Variants in CLVS1 observed in about 807,000 individuals in gnomAD.
CLVS1 encodes clavesin 1.
CLVS1 carries 10 observed loss-of-function variants against 33.1 expected under a neutral mutation model. The observed-to-expected ratio is 0.30, with a 90% CI of 0.19 to 0.51. The LOEUF (loss-of-function observed/expected upper bound fraction) is 0.51. Among genes scored for constraint, CLVS1 ranks in the 20% least tolerant of loss-of-function variants. The probability of loss-of-function intolerance (pLI) is 0.97; values close to 1 mark genes in which losing one functional copy is unlikely to be tolerated. For synonymous variants in CLVS1, 163 were observed against 166.1 expected, an observed-to-expected ratio of 0.98 and a Z score of 0.14; for missense variants, 343 against 433.4, an observed-to-expected ratio of 0.79 and a Z score of 1.85.
intron 2 of CLVS1, among the ~76,000 whole-genome samples, chr8:61,255,637 G>T (rs1320884087): frequency 3.9e-5 from 6 of 152,072 alleles, no homozygotes; most frequent in Non-Finnish European, 7.4e-5. Context: ...GCACAAAAAG[G>T]TCTCATGTTT....
intron 2 of CLVS1, among the ~76,000 whole-genome samples, chr8:61,159,849 C>G (rs1021231336): frequency 6.6e-6 from 1 of 152,142 alleles, no homozygotes; most frequent in African/African-American, 2.4e-5. Flanking sequence ...GGTGCAAGAG[C>G]AAGGAGACAT....
intron 3 of CLVS1, among the ~76,000 whole-genome samples, chr8:61,402,598 G>A (rs1220879610): frequency 6.6e-6 from 1 of 152,146 alleles, no homozygotes; most frequent in Non-Finnish European, 1.5e-5. Context: ...GAACAGTATA[G>A]ACAGTAGTTC....
intron 3 of CLVS1, among the ~76,000 whole-genome samples, chr8:61,435,853 G>T (rs1056371326): frequency 2.0e-5 from 3 of 151,976 alleles, no homozygotes; most frequent in African/African-American, 7.3e-5. Context: ...TAATTACTCA[G>T]GATTGGCAAG....
At chr8:61,017,568 T>C in the CLVS1 span, among the ~76,000 whole-genome samples, 1 of 152,202 alleles carries the variant, frequency 6.6e-6, no homozygotes, top group East Asian at 1.9e-4. Context: ...TTAGTGTAGA[T>C]GATGAGAAAT....
At chr8:61,082,194 A>G (rs1805032933) in intron 1 of CLVS1, among the ~76,000 whole-genome samples, 1 of 151,878 alleles carries the variant, frequency 6.6e-6, no homozygotes, top group African/African-American at 2.4e-5. Flanking sequence ...TACACTGGAC[A>G]TGGCCAAGGA....
At chr8:61,114,768 C>T (rs1292207180) in intron 1 of CLVS1, among the ~76,000 whole-genome samples, 1 of 152,206 alleles carries the variant, frequency 6.6e-6, no homozygotes, top group African/African-American at 2.4e-5. Flanking sequence ...TTTTAGCCTT[C>T]TCAAATCTCA....
intron 2 of CLVS1, among the ~76,000 whole-genome samples, chr8:61,163,743 C>G (rs1346572161): frequency 6.6e-6 from 1 of 152,188 alleles, no homozygotes; most frequent in East Asian, 1.9e-4. Context: ...TTAGGACGAA[C>G]CCGGGCACTT....
the CLVS1 span, among the ~76,000 whole-genome samples, chr8:60,980,862 G>A: frequency 6.6e-6 from 1 of 152,162 alleles, no homozygotes; most frequent in Non-Finnish European, 1.5e-5. Flanking sequence ...CCTTTTGATG[G>A]ACCTTAAATG....
At chr8:61,279,003 A>G (rs995018018) in intron 2 of CLVS1, among the ~76,000 whole-genome samples, 1 of 152,234 alleles carries the variant, frequency 6.6e-6, no homozygotes, top group African/African-American at 2.4e-5. Context: ...CAGAGATGGC[A>G]TGTGGCTGAG....
At chr8:61,407,779 ATC>A (rs911914849) in intron 3 of CLVS1, among the ~76,000 whole-genome samples, 19 of 152,238 alleles carry the variant, frequency 1.2e-4, no homozygotes, top group Admixed American at 1.2e-3. Context: ...AATTTCAGGG[ATC>A]TCAATAATTG....
chr8:61,206,046 C>G (rs1807832789), intron 2 of CLVS1, among the ~76,000 whole-genome samples: 1 of 152,118 alleles, frequency 6.6e-6, no homozygotes, highest in Non-Finnish European at 1.5e-5. Flanking sequence ...AAGTATCTGT[C>G]AAGCGTATAA....
At position 61,499,312 on chromosome 8, in the gene CLVS1, A is replaced by C. The variant is rs192646250; in HGVS notation, c.978-143A>C. 2,744 of 576,882 alleles carry C rather than the reference A, an allele frequency of 4.8e-3. 16 individuals carry two copies. The highest frequency in any genetic ancestry group is 6.6e-3 in the Non-Finnish European group (2,061 of 312,848). The allele number at this position is 576,882 out of a possible 1,614,324, so 35.7% of individuals were successfully genotyped here. Reference sequence around the variant, plus strand: ...CACCTCAGCCTCCTGAATAGCTGGGACTACTGGCATGTGCCACTGCACCCA... The same window carrying C: ...CACCTCAGCCTCCTGAATAGCTGGGCCTACTGGCATGTGCCACTGCACCCA... On this transcript the variant is annotated intron_variant, in intron 5 of 5. Transcript: ENST00000325897.
chr8:61,423,088 G>A (rs1815744143), intron 3 of CLVS1, among the ~76,000 whole-genome samples: 1 of 152,108 alleles, frequency 6.6e-6, no homozygotes, highest in Non-Finnish European at 1.5e-5. Context: ...TCAAAGCATT[G>A]TCAGAATGAG....
chr8:61,193,006 C>A (rs182495113), intron 2 of CLVS1, among the ~76,000 whole-genome samples: 6 of 152,260 alleles, frequency 3.9e-5, no homozygotes, highest in African/African-American at 1.4e-4. Flanking sequence ...TTGACCCAGC[C>A]ATCCTATTAC....
intron 2 of CLVS1, among the ~76,000 whole-genome samples, chr8:61,198,301 C>T (rs1213400780): frequency 6.6e-6 from 1 of 152,100 alleles, no homozygotes; most frequent in Non-Finnish European, 1.5e-5. Context: ...TTTTTGATTA[C>T]ACGGATGAAT....
At chr8:61,012,607 A>G in the CLVS1 span, among the ~76,000 whole-genome samples, 12 of 152,208 alleles carry the variant, frequency 7.9e-5, no homozygotes, top group South Asian at 1.9e-3. Context: ...TGACATGTAT[A>G]TGGGTGGAAT....
At position 61,123,023 on chromosome 8, in the gene CLVS1, AC is replaced by A. The variant is rs772650788; in HGVS notation, c.-242-8746del. Among the ~76,000 whole-genome samples the A allele has an allele frequency of 4.2e-5, 6 of 144,032 alleles. 2 individuals carry two copies. The highest frequency in any genetic ancestry group is 9.2e-5 in the Non-Finnish European group (6 of 65,276). 94.5% of individuals were successfully genotyped at this position (144,032 alleles called of 152,430 possible). A position where few individuals can be genotyped will look rare whatever the true frequency, so the allele number is the denominator to read the frequency against. On this transcript the variant is annotated intron_variant, in intron 1 of 2. Transcript: ENST00000522621. The stretch of plus-strand genomic sequence containing the variant: ...GGTGGCTCACACCTGTAATCCCAGC[AC>A]TTTGGGAGGCCAAGGCAGGTGGATC...
intron 2 of CLVS1, among the ~76,000 whole-genome samples, chr8:61,352,194 A>G (rs1226694941): frequency 6.6e-6 from 1 of 152,030 alleles, no homozygotes; most frequent in Non-Finnish European, 1.5e-5. Flanking sequence ...TAAAATGTTG[A>G]TACTGTACCT....
intron 2 of CLVS1, among the ~76,000 whole-genome samples, chr8:61,150,547 C>A (rs2129294767): frequency 1.3e-5 from 2 of 152,282 alleles, no homozygotes; most frequent in Middle Eastern, 6.8e-3. Flanking sequence ...GCCCTCCTCC[C>A]CTCCCATGCA....
Sources: allele counts gnomAD v4.1 joint callset (sites outside exome capture counted in the v4.1 genomes callset), GRCh38; gene constraint gnomAD v4.1.1; transcripts MANE v1.5; gene names NCBI Gene and HGNC (gene_info 2026-07-23, HGNC 2026-07-21).